The following KIAA1217 variants were observed in gnomAD, a reference collection of about 807,000 sequenced individuals.
KIAA1217 encodes the protein sickle tail protein homolog.
A neutral mutation model predicts 163.9 loss-of-function variants in KIAA1217; 88 were observed. The observed-to-expected ratio is 0.54, with a 90% confidence interval of 0.45 to 0.64. The LOEUF (loss-of-function observed/expected upper bound fraction) is 0.64. KIAA1217 is among the 30% of genes least tolerant of loss of function. KIAA1217 has a pLI of 0.00. For synonymous variants in KIAA1217, 903 were observed against 923.1 expected (o/e 0.98, Z 0.39); for missense variants, 2,372 against 2,475.0 (o/e 0.96, Z 0.88).
At chr10:24,385,625 C>T (rs1564586773) in intron 3 of KIAA1217, among the ~76,000 whole-genome samples, 1 of 152,144 alleles carries the variant, frequency 6.6e-6, no homozygotes, top group Non-Finnish European at 1.5e-5. Flanking sequence ...CGCCAGGTTC[C>T]AACAACCTAT....
upstream of KIAA1217, among the ~76,000 whole-genome samples, chr10:24,207,311 CACACAT>C (rs1329980424): frequency 1.3e-5 from 2 of 151,006 alleles, no homozygotes; most frequent in Non-Finnish European, 3.0e-5. Context: ...CACACACACA[CACACAT>C]ACTTTTCTCC....
At chr10:24,520,011 G>T in intron 10 of KIAA1217, 112 bp from the exon 11 acceptor site, 3 of 1,226,876 alleles carry the variant, frequency 2.4e-6, no homozygotes, top group Non-Finnish European at 3.4e-6. Flanking sequence ...AGGCAGGGGG[G>T]AGGAGCTGGG....
At chr10:24,484,325 A>G (rs2065116321) in intron 6 of KIAA1217, among the ~76,000 whole-genome samples, 1 of 141,354 alleles carries the variant, frequency 7.1e-6, no homozygotes, top group South Asian at 2.3e-4. Context: ...GCTCACTGCA[A>G]CCTCCGCCTC....
intron 2 of KIAA1217, among the ~76,000 whole-genome samples, chr10:24,162,886 C>T (rs182875351): frequency 6.6e-6 from 1 of 152,172 alleles, no homozygotes; most frequent in African/African-American, 2.4e-5. Flanking sequence ...CTATGTGGGC[C>T]TTTCCAAAGG....
chr10:24,209,403 A>G, intron 1 of KIAA1217, 140 bp downstream of exon 1: 1 of 648,822 alleles, frequency 1.5e-6, no homozygotes, highest in Non-Finnish European at 2.7e-6. Flanking sequence ...TACATTTTCC[A>G]AACTGAGTAG....
At chr10:23,928,280 C>A (rs572983310) in intron 1 of KIAA1217, among the ~76,000 whole-genome samples, 1 of 152,288 alleles carries the variant, frequency 6.6e-6, no homozygotes, top group African/African-American at 2.4e-5. Context: ...GTTTCTAGCT[C>A]TTTCTTTGAA....
At chr10:24,435,697 A>G (rs1020766698) in intron 4 of KIAA1217, among the ~76,000 whole-genome samples, 4 of 152,194 alleles carry the variant, frequency 2.6e-5, no homozygotes, top group Non-Finnish European at 4.4e-5. Context: ...GAAAGTCGAG[A>G]AGTAGTCACA....
At chr10:23,898,896 T>G (rs553215877) in intron 1 of KIAA1217, among the ~76,000 whole-genome samples, 1 of 152,114 alleles carries the variant, frequency 6.6e-6, no homozygotes. Context: ...CTATGTTATA[T>G]CATGTCAGAA....
chr10:23,766,999 G>A (rs1834562698), intron 1 of KIAA1217, among the ~76,000 whole-genome samples: 1 of 152,194 alleles, frequency 6.6e-6, no homozygotes, highest in Non-Finnish European at 1.5e-5. Context: ...CAGGCACAGA[G>A]TCCTACCTCC....
chr10:23,703,498 G>T (rs1836630392), intron 1 of KIAA1217, among the ~76,000 whole-genome samples: 1 of 152,094 alleles, frequency 6.6e-6, no homozygotes, highest in African/African-American at 2.4e-5. Context: ...AGATACGCTG[G>T]CTCTCTGCAG....
intron 5 of KIAA1217, among the ~76,000 whole-genome samples, chr10:24,461,202 T>A (rs1053082099): frequency 2.6e-5 from 4 of 152,084 alleles, no homozygotes; most frequent in African/African-American, 9.6e-5. Flanking sequence ...GTATATCATA[T>A]CATCAAACTA....
intron 1 of KIAA1217, among the ~76,000 whole-genome samples, chr10:24,005,298 T>G (rs1411356123): frequency 6.6e-6 from 1 of 152,226 alleles, no homozygotes; most frequent in Admixed American, 6.5e-5. Context: ...ATTGTCTATA[T>G]TATTTTATAT....
chr10:24,010,841 C>T (rs748992149), intron 2 of KIAA1217, among the ~76,000 whole-genome samples: 4 of 152,036 alleles, frequency 2.6e-5, no homozygotes, highest in Non-Finnish European at 4.4e-5. Context: ...ACTGCCTCTC[C>T]GGGATGGGGG....
chr10:24,099,586 T>TATATTA (rs1306527831), intron 2 of KIAA1217, among the ~76,000 whole-genome samples: 4 of 143,456 alleles, frequency 2.8e-5, no homozygotes, highest in African/African-American at 7.8e-5. Context: ...TATATATATA[T>TATATTA]TATATATATA....
intron 1 of KIAA1217, among the ~76,000 whole-genome samples, chr10:23,750,821 T>C (rs1839693635): frequency 6.6e-6 from 1 of 152,174 alleles, no homozygotes; most frequent in Admixed American, 6.5e-5. Flanking sequence ...CTATTTTACA[T>C]GATCATTAAT....
intron 1 of KIAA1217, among the ~76,000 whole-genome samples, chr10:23,899,724 A>G (rs1841875150): frequency 1.3e-5 from 2 of 152,122 alleles, no homozygotes; most frequent in Non-Finnish European, 2.9e-5. Context: ...GAAAGCTCAG[A>G]GGACCACAGT....
intron 1 of KIAA1217, among the ~76,000 whole-genome samples, chr10:23,825,360 T>C (rs918219812): frequency 1.3e-5 from 2 of 152,226 alleles, no homozygotes; most frequent in Non-Finnish European, 2.9e-5. Context: ...AATGTCAGCT[T>C]TTCCTTATCT....
At chr10:24,269,899 C>T (rs2076607986) in intron 2 of KIAA1217, among the ~76,000 whole-genome samples, 1 of 152,160 alleles carries the variant, frequency 6.6e-6, no homozygotes, top group South Asian at 2.1e-4. Context: ...TGCTAAATTT[C>T]CAATGCTGTG....
chr10:24,116,529 A>C (rs545961196), intron 2 of KIAA1217, among the ~76,000 whole-genome samples: 1 of 152,138 alleles, frequency 6.6e-6, no homozygotes, highest in Admixed American at 6.5e-5. Context: ...GGAATTTCTC[A>C]ATTTTTATGT....
Sources: allele counts gnomAD v4.1 joint callset (sites outside exome capture counted in the v4.1 genomes callset), GRCh38; gene constraint gnomAD v4.1.1; transcripts MANE v1.5; gene names NCBI Gene and HGNC (gene_info 2026-07-23, HGNC 2026-07-21).